The following SHLD1 variants were observed in gnomAD, a reference collection of about 807,000 sequenced individuals.
SHLD1 encodes the protein shieldin complex subunit 1.
A neutral mutation model predicts 5.5 loss-of-function variants in SHLD1; 3 were observed. The ratio of observed to expected loss-of-function variants is 0.54; its 90% CI spans 0.25 to 1.40. SHLD1 has a LOEUF of 1.40. SHLD1 is among the 40% of genes most tolerant of loss of function. The probability of loss-of-function intolerance (pLI) is 0.15; values close to 1 mark genes in which losing one functional copy is unlikely to be tolerated. For synonymous variants in SHLD1, 92 were observed against 94.3 expected, an observed-to-expected ratio of 0.98 and a Z score of 0.14; for missense variants, 210 against 244.4, an observed-to-expected ratio of 0.86 and a Z score of 0.94.
chr20:5,829,654 AT>A (rs1280266030), intron 2 of SHLD1, among the ~76,000 whole-genome samples: 4 of 152,186 alleles, frequency 2.6e-5, no homozygotes, highest in East Asian at 3.8e-4. Flanking sequence ...AATAACCTAA[AT>A]TTAAGTTTGG....
chr20:5,763,251 T>C (rs899870849), intron 1 of SHLD1, among the ~76,000 whole-genome samples: 3 of 143,660 alleles, frequency 2.1e-5, no homozygotes, highest in African/African-American at 7.9e-5. Context: ...GGTTGCGCCA[T>C]TGCACTCCAG....
In SHLD1 at chr20:5,858,995, A is replaced by G. The variant is rs541112449; in HGVS notation, c.179-4029A>G. On this transcript the variant is annotated intron_variant, in intron 2 of 2. Transcript: ENST00000303142. ...ATCCTATTCATGATGGAAAATATAT[A>G]AAAAGGCAAGTTCCATTCAATTTAA... Among the ~76,000 whole-genome samples, 20 of 152,308 alleles carry G rather than the reference A, an allele frequency of 1.3e-4. 1 individual carries two copies. The highest frequency in any genetic ancestry group is 4.6e-4 in the African/African-American group (19 of 41,568).
At chr20:5,832,747 C>G (rs908334482) in intron 2 of SHLD1, among the ~76,000 whole-genome samples, 2 of 151,928 alleles carry the variant, frequency 1.3e-5, no homozygotes, top group Non-Finnish European at 1.5e-5. Flanking sequence ...ATCATACAAA[C>G]CTGCTCAGCC....
At chr20:5,782,664 A>G (rs2087002869) in intron 2 of SHLD1, among the ~76,000 whole-genome samples, 1 of 152,238 alleles carries the variant, frequency 6.6e-6, no homozygotes, top group African/African-American at 2.4e-5. Flanking sequence ...CTTTAGTCTT[A>G]TTCTGGGAAT....
intron 1 of SHLD1, among the ~76,000 whole-genome samples, chr20:5,762,600 C>T (rs1984526423): frequency 6.6e-6 from 1 of 152,154 alleles, no homozygotes; most frequent in Non-Finnish European, 1.5e-5. Flanking sequence ...TGGGTACTTG[C>T]TGAGTCCCTT....
At chr20:5,838,720 G>A (rs554327215) in intron 2 of SHLD1, among the ~76,000 whole-genome samples, 121 of 152,348 alleles carry the variant, frequency 7.9e-4, no homozygotes, top group African/African-American at 2.9e-3. Context: ...AGAGGTTGCA[G>A]TGAGCTGAGA....
chr20:5,808,730 C>A (rs2087417775), intron 2 of SHLD1, among the ~76,000 whole-genome samples: 1 of 152,172 alleles, frequency 6.6e-6, no homozygotes, highest in African/African-American at 2.4e-5. Context: ...TATTCTCATT[C>A]ATGGAGTCAA....
chr20:5,814,916 T>C (rs987416435), intron 2 of SHLD1, among the ~76,000 whole-genome samples: 10 of 151,940 alleles, frequency 6.6e-5, no homozygotes, highest in African/African-American at 2.4e-4. Context: ...GCCTCCCAAA[T>C]TGCTGGGATT....
chr20:5,750,508 T>TGGGGGGGGG (rs1600076697), intron 1 of SHLD1, 29 bp downstream of exon 1: 1 of 23,280 alleles, frequency 4.3e-5, no homozygotes, highest in African/African-American at 2.0e-4. Flanking sequence ...GGGGGGGGGT[T>TGGGGGGGGG]GGAGTGGTGG....
intron 2 of SHLD1, among the ~76,000 whole-genome samples, chr20:5,793,967 C>T (rs2087176996): frequency 6.6e-6 from 1 of 152,070 alleles, no homozygotes; most frequent in Non-Finnish European, 1.5e-5. Context: ...ACATCAGCCT[C>T]CCAAAGTGCT....
In SHLD1 at chr20:5,802,816, A is replaced by T. The variant is rs75751667; in HGVS notation, c.178+29773A>T. 9.9e-3 allele frequency among the ~76,000 whole-genome samples: 1,505 copies of T among 151,922 alleles called. 22 individuals are homozygous for T. The highest frequency in any genetic ancestry group is 0.026 in the South Asian group (123 of 4,820). Reference sequence around the variant, plus strand: ...TGTGCGCCACGTTGCCCAGTGTCTCAAGCAATTCATCCACCTTGGTCTCCT... The same window carrying T: ...TGTGCGCCACGTTGCCCAGTGTCTCTAGCAATTCATCCACCTTGGTCTCCT... On this transcript the variant is annotated intron_variant, in intron 2 of 2. Coordinates refer to ENST00000303142, the MANE Select transcript of SHLD1 (RefSeq NM_152504.4).
intron 2 of SHLD1, among the ~76,000 whole-genome samples, chr20:5,775,205 T>TC (rs1311955938): frequency 6.6e-6 from 1 of 151,870 alleles, no homozygotes; most frequent in East Asian, 1.9e-4. Flanking sequence ...TACATGGCTT[T>TC]TTTTTTTTTA....
intron 1 of SHLD1, among the ~76,000 whole-genome samples, chr20:5,752,919 G>A (rs1281048756): frequency 1.3e-5 from 2 of 152,028 alleles, no homozygotes; most frequent in South Asian, 2.1e-4. Context: ...CTCAGCCTAC[G>A]GCGTAGCTGG....
chr20:5,808,786 G>C (rs2087418648), intron 2 of SHLD1, among the ~76,000 whole-genome samples: 1 of 152,158 alleles, frequency 6.6e-6, no homozygotes, highest in African/African-American at 2.4e-5. Flanking sequence ...TGATTTAGTG[G>C]ATTTAAGCAG....
chr20:5,801,031 T>C (rs1400764439), intron 2 of SHLD1, among the ~76,000 whole-genome samples: 1 of 151,924 alleles, frequency 6.6e-6, no homozygotes, highest in Non-Finnish European at 1.5e-5. Flanking sequence ...TCATTTGGAC[T>C]GTCAGAGGGC....
intron 2 of SHLD1, among the ~76,000 whole-genome samples, chr20:5,836,095 G>GT (rs11479196): frequency 0.018 from 2,628 of 143,120 alleles, 91 homozygotes; most frequent in African/African-American, 0.061. Flanking sequence ...ACAACTGGTT[G>GT]TTTTTTTTTT....
intron 1 of SHLD1, among the ~76,000 whole-genome samples, chr20:5,763,616 T>C (rs1049711646): frequency 6.6e-6 from 1 of 152,176 alleles, no homozygotes. Context: ...ACTCTTCCTC[T>C]TTCCCCTAAG....
chr20:5,795,902 A>G (rs1053499069), intron 2 of SHLD1, among the ~76,000 whole-genome samples: 3 of 150,818 alleles, frequency 2.0e-5, no homozygotes, highest in African/African-American at 7.3e-5. Flanking sequence ...GGAGAATGGC[A>G]TGAACCCAGA....
At chr20:5,773,356 A>AT (rs1985276391) in intron 2 of SHLD1, 3 of 540,768 alleles carry the variant, frequency 5.5e-6, no homozygotes, top group East Asian at 2.8e-5. Context: ...GAGAGAGTGG[A>AT]ATTTTTTTTT....
Sources: allele counts gnomAD v4.1 joint callset (sites outside exome capture counted in the v4.1 genomes callset), GRCh38; gene constraint gnomAD v4.1.1; transcripts MANE v1.5; gene names NCBI Gene and HGNC (gene_info 2026-07-23, HGNC 2026-07-21).